Variants in SPECC1L observed in about 807,000 individuals in gnomAD.
The protein encoded by SPECC1L is sperm antigen with calponin homology and coiled-coil domains 1 like.
In SPECC1L, 40 loss-of-function variants were observed where a neutral mutation model predicts 116.8. The ratio of observed to expected loss-of-function variants is 0.34; its 90% CI spans 0.27 to 0.45. The LOEUF is 0.45. Ranked by LOEUF, SPECC1L falls within the 20% of genes least tolerant of loss-of-function variation. The pLI, the probability that SPECC1L is intolerant of heterozygous loss-of-function variation, is 1.00. For missense variants in SPECC1L, 1,110 were observed against 1,373.6 expected (o/e 0.81, Z 3.03); for synonymous variants, 504 against 500.6 (o/e 1.01, Z -0.09).
At chr22:24,297,526 A>G (rs2049291304) in intron 2 of SPECC1L, among the ~76,000 whole-genome samples, 1 of 152,140 alleles carries the variant, frequency 6.6e-6, no homozygotes, top group South Asian at 2.1e-4. Flanking sequence ...ATATTTAACT[A>G]TATTTAACCA....
intron 11 of SPECC1L, among the ~76,000 whole-genome samples, chr22:24,353,027 T>A (rs2041457068): frequency 6.6e-6 from 1 of 152,250 alleles, no homozygotes; most frequent in Admixed American, 6.5e-5. Context: ...TGTCTCTCTG[T>A]GTGTTTCCTT....
intron 14 of SPECC1L, among the ~76,000 whole-genome samples, chr22:24,405,143 G>A (rs2042560091): frequency 6.6e-6 from 1 of 152,206 alleles, no homozygotes; most frequent in South Asian, 2.1e-4. Flanking sequence ...CATCCAAATG[G>A]CTTTGAAACA....
intron 5 of SPECC1L, 105 bp downstream of exon 5, chr22:24,323,023 C>T: frequency 1.4e-6 from 2 of 1,473,684 alleles, no homozygotes; most frequent in African/African-American, 1.4e-5. Flanking sequence ...GTGTTATTAG[C>T]TTTTTTTTAA....
intron 14 of SPECC1L, among the ~76,000 whole-genome samples, chr22:24,395,379 G>A (rs1215681468): frequency 6.6e-6 from 1 of 152,160 alleles, no homozygotes; most frequent in East Asian, 1.9e-4. Flanking sequence ...GTGATAGAGT[G>A]AAGGATTTAA....
At chr22:24,330,500 T>C (rs1218285654) in intron 8 of SPECC1L, 69 bp downstream of exon 8, 3 of 1,536,182 alleles carry the variant, frequency 2.0e-6, no homozygotes, top group Non-Finnish European at 2.7e-6. Context: ...ATTTTTGATG[T>C]GGTGCTATGG....
intron 13 of SPECC1L, among the ~76,000 whole-genome samples, chr22:24,367,601 T>C (rs930092463): frequency 3.3e-5 from 5 of 152,184 alleles, no homozygotes; most frequent in African/African-American, 9.7e-5. Context: ...CAAAAATGTA[T>C]ATTTCCTTCA....
Position 24,322,533 on chromosome 22 carries a change from A to G in SPECC1L, c.1553A>G (p.Asn518Ser), listed in dbSNP as rs765189015. 3 of 1,614,092 alleles carry G rather than the reference A, an allele frequency of 1.9e-6. No homozygotes were observed. The highest frequency in any genetic ancestry group is 2.7e-5 in the African/African-American group (2 of 74,940). Residue 518 changes from asparagine (N) to serine (S), a missense_variant, in exon 5 of 17, where the codon AAT (asparagine) becomes AGT (serine). Transcript: ENST00000314328. ...QLLGVQQHLS[N>S]TLKMAEQDNK... ...CTTGGTGTCCAGCAGCATTTAAGCA[A>G]TACTTTGAAAATGGCAGAACAAGAC...
chr22:24,405,564 G>A (rs891381264), intron 14 of SPECC1L, among the ~76,000 whole-genome samples: 16 of 152,084 alleles, frequency 1.1e-4, no homozygotes, highest in African/African-American at 1.7e-4. Context: ...TACAGGCTGG[G>A]CACGGTAGCT....
At chr22:24,307,739 A>G (rs932439636) in intron 3 of SPECC1L, among the ~76,000 whole-genome samples, 2 of 151,402 alleles carry the variant, frequency 1.3e-5, no homozygotes, top group African/African-American at 2.4e-5. Context: ...AGGTCTCACT[A>G]TGTTGCCCAG....
In SPECC1L at chr22:24,363,404, T is replaced by C. The variant is rs966798198; in HGVS notation, c.2827+60T>C. On this transcript the variant is annotated intron_variant, in intron 12 of 16. Coordinates refer to ENST00000314328, the MANE Select transcript of SPECC1L (RefSeq NM_015330.6). Reference sequence around the variant, plus strand: ...TTGTTTTTTAGAGACAGGATCTCACTATGTTGCCCAGGCTGATCTCAAACT... The same window carrying C: ...TTGTTTTTTAGAGACAGGATCTCACCATGTTGCCCAGGCTGATCTCAAACT... 1.6e-5 allele frequency: 23 copies of C among 1,417,658 alleles called. No individual in the cohort carries two copies. In the Admixed American group the frequency reaches 3.5e-4, roughly 22 times the overall value. The allele number at this position is 1,417,658 out of a possible 1,614,324, so 87.8% of individuals were successfully genotyped here. A position where few individuals can be genotyped will look rare whatever the true frequency, so the allele number is the denominator to read the frequency against.
chr22:24,334,468 G>A lies in SPECC1L; in HGVS notation c.2455G>A (p.Ala819Thr), dbSNP rs746249459. 6.2e-7 allele frequency: 1 copy of A among 1,614,154 alleles called. No individual in the cohort carries two copies. The highest frequency in any genetic ancestry group is 8.5e-7 in the Non-Finnish European group (1 of 1,180,016). Residue 819 changes from alanine to threonine, a missense_variant, in exon 9 of 17, where the codon GCA (alanine) becomes ACA (threonine). Transcript: ENST00000314328. ...CATGAATGCCGTTGAGAGAGATTTG[G>A]CAGCCTTAAGGCAGGGAATGGGACT... Reference protein sequence around the residue: ...NYMNAVERDLAALRQGMGLSR... With the variant: ...NYMNAVERDLTALRQGMGLSR...
chr22:24,325,626 C>G (rs1357583971), intron 6 of SPECC1L, among the ~76,000 whole-genome samples: 3 of 151,590 alleles, frequency 2.0e-5, no homozygotes, highest in African/African-American at 7.3e-5. Flanking sequence ...CAGAAAAACA[C>G]CTTTTAAAGA....
intron 2 of SPECC1L, among the ~76,000 whole-genome samples, chr22:24,295,847 C>G (rs1417026132): frequency 1.3e-5 from 2 of 152,072 alleles, no homozygotes; most frequent in African/African-American, 2.4e-5. Flanking sequence ...ACTCGGGAGG[C>G]TGAGGGAGGA....
intron 7 of SPECC1L, among the ~76,000 whole-genome samples, chr22:24,329,324 A>G (rs2040892084): frequency 6.6e-6 from 1 of 152,240 alleles, no homozygotes; most frequent in African/African-American, 2.4e-5. Flanking sequence ...TGGATAAGTG[A>G]TACTCGACCT....
Position 24,414,569 on chromosome 22 carries a change from C to T in SPECC1L, c.3300C>T (p.Asp1100=), listed in dbSNP as rs757250295. The stretch of plus-strand genomic sequence containing the variant: ...AAATGGTACGGACTGAACGACCCGA[C>T]TGGCAGAACGTGATGCTGTATGTGA... The part of the protein sequence containing the change: ...INEMVRTERP[D]WQNVMLYVTA... Residue 1100 remains aspartate, a synonymous_variant, in exon 17 of 17, where the codon GAC becomes GAT. Coordinates refer to ENST00000314328, the MANE Select transcript of SPECC1L (RefSeq NM_015330.6). The T allele has an allele frequency of 1.1e-5, 17 of 1,613,910 alleles. No individual in the cohort carries two copies. The South Asian group carries it at 1.2e-4, about 11-fold the overall frequency.
intron 4 of SPECC1L, among the ~76,000 whole-genome samples, chr22:24,314,053 C>CT (rs929105824): frequency 6.7e-5 from 10 of 148,184 alleles, no homozygotes; most frequent in African/African-American, 1.2e-4. Context: ...AAGGATTTTT[C>CT]TTTTTTTTTG....
chr22:24,399,313 G>A (rs1347496368), intron 14 of SPECC1L, among the ~76,000 whole-genome samples: 1 of 152,246 alleles, frequency 6.6e-6, no homozygotes, highest in African/African-American at 2.4e-5. Context: ...GCTCACGCCT[G>A]TAATCCCAGC....
intron 7 of SPECC1L, 120 bp downstream of exon 7, chr22:24,329,039 T>C (rs2040884519): frequency 5.2e-6 from 4 of 765,592 alleles, no homozygotes; most frequent in East Asian, 2.7e-5. Flanking sequence ...ACTGGCCCCA[T>C]TGGGCTTTGG....
chr22:24,272,012 T>C (rs1307072560), intron 1 of SPECC1L, among the ~76,000 whole-genome samples: 2 of 152,208 alleles, frequency 1.3e-5, no homozygotes. Flanking sequence ...TTCTGGTGGC[T>C]TCAGGGAGTG....
Sources: allele counts gnomAD v4.1 joint callset (sites outside exome capture counted in the v4.1 genomes callset), GRCh38; gene constraint gnomAD v4.1.1; transcripts MANE v1.5; gene names NCBI Gene and HGNC (gene_info 2026-07-23, HGNC 2026-07-21).